Variants in ODR4 observed in about 807,000 individuals in gnomAD.
The protein encoded by ODR4 is odr-4 GPCR localization factor homolog.
ODR4 carries 47 observed loss-of-function variants against 60.2 expected under a neutral mutation model. The observed-to-expected ratio is 0.78, with a 90% CI of 0.62 to 1.00. The LOEUF is 1.00. ODR4 is among the 50% of genes least tolerant of loss of function. The pLI is 0.00. For missense variants in ODR4, 488 were observed against 530.8 expected (o/e 0.92, Z 0.79); for synonymous variants, 178 against 175.5 (o/e 1.01, Z -0.11).
intron 6 of ODR4, among the ~76,000 whole-genome samples, chr1:186,390,116 A>C (rs1292046431): frequency 2.0e-5 from 3 of 152,064 alleles, no homozygotes; most frequent in Non-Finnish European, 4.4e-5. Context: ...AACTTTTTAA[A>C]AAATTGTTAA....
chr1:186,412,515 T>C (rs536756889), intron 12 of ODR4, among the ~76,000 whole-genome samples: 1 of 152,312 alleles, frequency 6.6e-6, no homozygotes, highest in South Asian at 2.1e-4. Flanking sequence ...GAAGGAATGA[T>C]ATAGTAATTC....
Position 186,398,835 on chromosome 1 carries a change from A to G in ODR4, c.910-119A>G, listed in dbSNP as rs889413672. On this transcript the variant is annotated intron_variant, in intron 10 of 13. Coordinates refer to ENST00000287859, the MANE Select transcript of ODR4 (RefSeq NM_017847.6). ...GTGGAAATAAAACATTGAATGATGT[A>G]TCAGTTATTTAGTGGGCATGATTGT... 17 of 603,072 alleles carry G rather than the reference A, an allele frequency of 2.8e-5. No individual in the cohort carries two copies. In the Admixed American group the frequency reaches 2.9e-4, roughly 10 times the overall value. 37.4% of individuals were successfully genotyped at this position (603,072 alleles called of 1,614,324 possible). A position where few individuals can be genotyped will look rare whatever the true frequency, so the allele number is the denominator to read the frequency against.
At position 186,419,262 on chromosome 1, in the gene ODR4, T is replaced by C. The variant is rs1233157307; in HGVS notation, c.*186T>C. 6.8e-6 allele frequency: 4 copies of C among 584,826 alleles called. No individual in the cohort carries two copies. The highest frequency in any genetic ancestry group is 1.2e-5 in the Non-Finnish European group (4 of 330,988). 36.2% of individuals were successfully genotyped at this position (584,826 alleles called of 1,614,324 possible). ...GCCTTGTTTAGCCTGCTTTACATTG[T>C]AGGTGGCCCGCATTTCCAGAAATAA... is the stretch of plus-strand genomic sequence containing the variant. On this transcript the variant is annotated 3_prime_UTR_variant, in exon 14 of 14. Transcript: ENST00000287859.
At chr1:186,378,892 A>G (rs1415560966) in intron 1 of ODR4, among the ~76,000 whole-genome samples, 1 of 152,210 alleles carries the variant, frequency 6.6e-6, no homozygotes, top group Non-Finnish European at 1.5e-5. Context: ...CTATTTATCT[A>G]CTTAAATAAC....
intron 12 of ODR4, among the ~76,000 whole-genome samples, chr1:186,415,975 G>T (rs7539128): frequency 0.29 from 43,877 of 151,922 alleles, 6,897 homozygotes; most frequent in Admixed American, 0.38. Context: ...TCAAATTTTT[G>T]ATCATAGTTT....
At chr1:186,389,798 T>C (rs1156267221) in intron 6 of ODR4, among the ~76,000 whole-genome samples, 174 bp downstream of exon 6, 1 of 152,190 alleles carries the variant, frequency 6.6e-6, no homozygotes, top group Non-Finnish European at 1.5e-5. Context: ...AGGAAAACTT[T>C]TTTGTGCGTG....
chr1:186,388,316 C>A, intron 4 of ODR4, 126 bp from the exon 5 acceptor site: 1 of 566,822 alleles, frequency 1.8e-6, no homozygotes, highest in Non-Finnish European at 3.0e-6. Context: ...ACCCCTTCTC[C>A]AATAAATAAA....
rs572420191 is a variant in ODR4, at chr1:186,396,795, A to G, written c.781-1518A>G. 3.6e-3 allele frequency among the ~76,000 whole-genome samples: 541 copies of G among 152,122 alleles called. 2 individuals carry two copies. The highest frequency in any genetic ancestry group is 6.0e-3 in the Non-Finnish European group (409 of 67,984). ...CACACATACACATATATTTACATAT[A>G]CTAATATATAAATGTGTTATATGTT... On this transcript the variant is annotated intron_variant, in intron 9 of 13. Coordinates refer to ENST00000287859, the MANE Select transcript of ODR4 (RefSeq NM_017847.6).
intron 8 of ODR4, among the ~76,000 whole-genome samples, chr1:186,392,836 C>G (rs1014842573): frequency 5.3e-5 from 8 of 152,120 alleles, no homozygotes; most frequent in African/African-American, 1.9e-4. Flanking sequence ...AACCCTGTCT[C>G]TACTAAAAAT....
rs776869231 is a variant in ODR4, at chr1:186,399,035, GA to G, written c.999del (p.Asp334IlefsTer22). On this transcript the variant is annotated frameshift_variant, in exon 11 of 14. Coordinates refer to ENST00000287859, the MANE Select transcript of ODR4 (RefSeq NM_017847.6). LOFTEE classifies it high-confidence loss of function. The part of the protein sequence containing the change: ...FEDLLLNEIP[E>X]KKDSEKEFHV... ...GGATCTGCTTTTGAATGAAATTCCA[GA>G]AAAAAAAGTTATGAGTATAAAATAA... 1.9e-6 allele frequency: 3 copies of G among 1,606,252 alleles called. No individual in the cohort carries two copies. Among genetic ancestry groups the G allele is most frequent in the South Asian group, 1.1e-5 (1 of 90,022 alleles).
intron 12 of ODR4, among the ~76,000 whole-genome samples, chr1:186,411,473 A>G (rs1661380325): frequency 6.6e-6 from 1 of 152,144 alleles, no homozygotes; most frequent in South Asian, 2.1e-4. Context: ...CCTCAAAACA[A>G]TATACTTTAT....
At chr1:186,383,676 T>TAGAG (rs1017441857) in intron 3 of ODR4, among the ~76,000 whole-genome samples, 3 of 138,508 alleles carry the variant, frequency 2.2e-5, no homozygotes, top group African/African-American at 8.5e-5. Flanking sequence ...TCTGTGTATG[T>TAGAG]AGATATATAT....
intron 12 of ODR4, among the ~76,000 whole-genome samples, chr1:186,411,321 C>T (rs1661375719): frequency 6.6e-6 from 1 of 152,118 alleles, no homozygotes; most frequent in Admixed American, 6.6e-5. Context: ...TGTTTCACTT[C>T]AACTGAAAGG....
intron 1 of ODR4, among the ~76,000 whole-genome samples, chr1:186,376,965 G>A (rs1659799398): frequency 6.6e-6 from 1 of 152,132 alleles, no homozygotes; most frequent in Admixed American, 6.5e-5. Flanking sequence ...CAACATTTCT[G>A]GAAAATTATG....
chr1:186,423,488 T>A (rs542196714), downstream of ODR4, among the ~76,000 whole-genome samples: 12 of 129,622 alleles, frequency 9.3e-5, no homozygotes, highest in South Asian at 3.4e-3. Context: ...GGAGTCTCGC[T>A]CTGTCACCCA....
chr1:186,398,751 T>G (rs1660796352), intron 10 of ODR4, among the ~76,000 whole-genome samples: 1 of 152,222 alleles, frequency 6.6e-6, no homozygotes, highest in African/African-American at 2.4e-5. Context: ...TATCTGTTTT[T>G]AACTATTTAG....
chr1:186,408,155 A>G (rs1661238547), intron 12 of ODR4, among the ~76,000 whole-genome samples: 1 of 152,128 alleles, frequency 6.6e-6, no homozygotes, highest in African/African-American at 2.4e-5. Context: ...TCCAGATGAG[A>G]GAATTAAGGC....
intron 11 of ODR4, among the ~76,000 whole-genome samples, chr1:186,405,726 A>C (rs1185291527): frequency 6.6e-6 from 1 of 151,766 alleles, no homozygotes; most frequent in Admixed American, 6.6e-5. Context: ...TAATTTTTGT[A>C]TTTTTAGTAG....
chr1:186,401,540 T>C (rs1190371901), intron 11 of ODR4: 1 of 178,592 alleles, frequency 5.6e-6, no homozygotes, highest in Admixed American at 6.3e-5. Context: ...TTCCTCTCTT[T>C]CTCTTTCTTT....
Sources: gnomAD v4.1 joint callset for allele counts (sites outside exome capture counted in the v4.1 genomes callset) on GRCh38, gnomAD v4.1.1 for gene constraint, MANE v1.5 for transcripts, NCBI Gene and HGNC (gene_info 2026-07-23, HGNC 2026-07-21) for gene names.